Variants in RIMS1 observed in about 807,000 individuals in gnomAD.
RIMS1 encodes regulating synaptic membrane exocytosis protein 1.
RIMS1 carries 83 observed loss-of-function variants against 214.1 expected under a neutral mutation model. The observed-to-expected ratio is 0.39, with a 90% CI of 0.32 to 0.47. The LOEUF is 0.47. Among genes scored for constraint, RIMS1 ranks in the 20% least tolerant of loss-of-function variants. The pLI is 0.99. For missense variants in RIMS1, 2,050 were observed against 2,161.8 expected (o/e 0.95, Z 1.03); for synonymous variants, 793 against 786.8 (o/e 1.01, Z -0.13).
intron 16 of RIMS1, 88 bp from the exon 17 acceptor site, chr6:72,258,037 C>A: frequency 1.7e-6 from 2 of 1,199,536 alleles, no homozygotes; most frequent in Non-Finnish European, 1.2e-6. Flanking sequence ...AGATCAATGG[C>A]TGCTTTAGAA....
At chr6:72,271,709 A>T (rs576771491) in intron 22 of RIMS1, among the ~76,000 whole-genome samples, 4 of 152,272 alleles carry the variant, frequency 2.6e-5, no homozygotes, top group African/African-American at 9.6e-5. Flanking sequence ...ATCAATTCTC[A>T]ATCCCCTTAT....
chr6:71,996,755 G>T (rs1051879327), intron 2 of RIMS1, among the ~76,000 whole-genome samples: 3 of 126,708 alleles, frequency 2.4e-5, no homozygotes, highest in Admixed American at 8.1e-5. Flanking sequence ...ACAAAAACAA[G>T]GCAACACAAC....
At chr6:72,359,987 T>C (rs1403804352) in intron 29 of RIMS1, among the ~76,000 whole-genome samples, 1 of 152,206 alleles carries the variant, frequency 6.6e-6, no homozygotes, top group Non-Finnish European at 1.5e-5. Context: ...GCAATAGTTT[T>C]CATAGATTTC....
At chr6:72,193,773 T>A (rs934899920) in intron 6 of RIMS1, among the ~76,000 whole-genome samples, 4 of 152,298 alleles carry the variant, frequency 2.6e-5, no homozygotes, top group Admixed American at 1.3e-4. Flanking sequence ...ACATTCTTCA[T>A]ATCTTTATTT....
chr6:72,256,024 GAAAAAAAAAA>G (rs60682826), intron 16 of RIMS1, among the ~76,000 whole-genome samples: 1 of 100,030 alleles, frequency 1.0e-5, no homozygotes, highest in Non-Finnish European at 2.0e-5. Flanking sequence ...GACTCCATCT[GAAAAAAAAAA>G]AAAAAAAAAA....
chr6:72,072,789 TAA>T (rs1830878166), intron 2 of RIMS1, among the ~76,000 whole-genome samples: 1 of 152,138 alleles, frequency 6.6e-6, no homozygotes, highest in Non-Finnish European at 1.5e-5. Context: ...AGCCATAAGA[TAA>T]GTTACTGGAA....
In RIMS1 at chr6:72,126,273, A is replaced by T. The variant is rs375473575; in HGVS notation, c.471+26287A>T. Among the ~76,000 whole-genome samples the T allele has an allele frequency of 2.6e-5, 4 of 152,326 alleles. No homozygotes were observed. The East Asian group carries it at 7.7e-4, about 29-fold the overall frequency. Reference sequence around the variant, plus strand: ...TCTTACCTTAAACAAAAATCAGCTCAAGATGAATCAAAGACTTAAATCTAA... The same window carrying T: ...TCTTACCTTAAACAAAAATCAGCTCTAGATGAATCAAAGACTTAAATCTAA... On this transcript the variant is annotated intron_variant, in intron 4 of 33. Transcript: ENST00000521978.
chr6:72,232,220 A>AT (rs1263366081), intron 6 of RIMS1, among the ~76,000 whole-genome samples: 1 of 151,652 alleles, frequency 6.6e-6, no homozygotes, highest in Non-Finnish European at 1.5e-5. Flanking sequence ...GTCATTAGGC[A>AT]TTTTTACTAA....
intron 2 of RIMS1, among the ~76,000 whole-genome samples, chr6:72,063,045 T>A (rs1420899201): frequency 6.6e-6 from 1 of 152,300 alleles, no homozygotes; most frequent in East Asian, 1.9e-4. Context: ...ATATCTTTTT[T>A]TGGGAGGTCA....
At chr6:72,006,415 T>C (rs1701851650) in intron 2 of RIMS1, among the ~76,000 whole-genome samples, 1 of 152,108 alleles carries the variant, frequency 6.6e-6, no homozygotes, top group Non-Finnish European at 1.5e-5. Flanking sequence ...ACGCAGAAGA[T>C]GAAGGATTTC....
chr6:72,267,492 C>T (rs1308642436), intron 22 of RIMS1, among the ~76,000 whole-genome samples: 3 of 151,996 alleles, frequency 2.0e-5, no homozygotes, highest in Admixed American at 6.6e-5. Context: ...AATTTTTAAC[C>T]CTGTATATTC....
intron 1 of RIMS1, among the ~76,000 whole-genome samples, chr6:71,950,606 C>T (rs1789163888): frequency 6.6e-6 from 1 of 152,152 alleles, no homozygotes; most frequent in Non-Finnish European, 1.5e-5. Context: ...CTTTAGGAAA[C>T]CTTCAGTTGC....
Position 71,887,027 on chromosome 6 carries a change from T to G in RIMS1, c.4T>G (p.Ser2Ala), listed in dbSNP as rs548853193. ...AGGGGGCGGGCAGGCCACGAAAATGTCCTCGGCCGTGGGGCCCCGCGGTCC... is the reference window on the plus strand; with the variant it reads ...AGGGGGCGGGCAGGCCACGAAAATGGCCTCGGCCGTGGGGCCCCGCGGTCC... M[S>A]SAVGPRGPRP... The change falls in exon 1 of 34, where the codon TCC becomes GCC. Residue 2 changes from serine to alanine, a missense_variant. Around this residue, in one of 6 missense-constraint regions of RIMS1, gnomAD observed 882 missense variants for 828.9 expected, o/e 1.06. Coordinates refer to ENST00000521978, the MANE Select transcript of RIMS1 (RefSeq NM_014989.7). 16 of 1,612,588 alleles carry G rather than the reference T, an allele frequency of 9.9e-6. No individual in the cohort carries two copies. Among genetic ancestry groups the G allele is most frequent in the Admixed American group, 1.7e-5 (1 of 59,938 alleles).
At chr6:72,038,118 A>AAAAATAT (rs1820399900) in intron 2 of RIMS1, among the ~76,000 whole-genome samples, 2 of 13,416 alleles carry the variant, frequency 1.5e-4, no homozygotes, top group Non-Finnish European at 1.2e-4. Context: ...AAAAAAAAAA[A>AAAAATAT]ATATATATAT....
At chr6:72,129,457 A>AT (rs1290176912) in intron 4 of RIMS1, among the ~76,000 whole-genome samples, 1 of 152,078 alleles carries the variant, frequency 6.6e-6, no homozygotes, top group East Asian at 1.9e-4. Context: ...GCTTCCCTAG[A>AT]TTTTTTTGCT....
At chr6:72,003,407 C>CT (rs1806046383) in intron 2 of RIMS1, among the ~76,000 whole-genome samples, 1 of 151,974 alleles carries the variant, frequency 6.6e-6, no homozygotes, top group Non-Finnish European at 1.5e-5. Flanking sequence ...GAATGCCTTC[C>CT]TGCTTGCCTG....
rs141735777 is a variant in RIMS1, at chr6:72,317,393, G to C, written c.4130+3721G>C. On this transcript the variant is annotated intron_variant, in intron 28 of 33. Transcript: ENST00000521978. The stretch of plus-strand genomic sequence containing the variant: ...TTGCCCTTGGCCTGGAGCTTTGCAG[G>C]GTCCACAACTATACATTTAGTAAAA... The C allele has an allele frequency of 3.3e-3, 648 of 198,446 alleles. 6 individuals carry two copies. The highest frequency in any genetic ancestry group is 0.014 in the African/African-American group (580 of 42,824). 12.3% of individuals were successfully genotyped at this position (198,446 alleles called of 1,614,324 possible).
chr6:72,043,898 A>T (rs927810613), intron 2 of RIMS1, among the ~76,000 whole-genome samples: 1 of 151,662 alleles, frequency 6.6e-6, no homozygotes, highest in Admixed American at 6.6e-5. Context: ...AAAATTACCC[A>T]TGATTAACCC....
intron 28 of RIMS1, among the ~76,000 whole-genome samples, chr6:72,321,369 C>A (rs569339327): frequency 6.6e-6 from 1 of 152,096 alleles, no homozygotes; most frequent in Non-Finnish European, 1.5e-5. Flanking sequence ...GTATGTATAT[C>A]AGCTTTTGTT....
Sources: gnomAD v4.1 joint callset for allele counts (sites outside exome capture counted in the v4.1 genomes callset) on GRCh38, gnomAD v4.1.1 for gene constraint, gnomAD v4.1.1 regional missense constraint, MANE v1.5 for transcripts, NCBI Gene and HGNC (gene_info 2026-07-23, HGNC 2026-07-21) for gene names.